The following UBR3 variants were observed in gnomAD, a reference collection of about 807,000 sequenced individuals.
The protein encoded by UBR3 is ubiquitin protein ligase E3 component n-recognin 3.
In UBR3, 85 loss-of-function variants were observed where a neutral mutation model predicts 243.2. The observed-to-expected ratio is 0.35, with a 90% CI of 0.29 to 0.42. UBR3 has a LOEUF of 0.42. Among genes scored for constraint, UBR3 ranks in the 10% least tolerant of loss-of-function variants. UBR3 has a pLI of 1.00. For missense variants in UBR3, 1,686 were observed against 2,300.8 expected, an observed-to-expected ratio of 0.73 and a Z score of 5.47; for synonymous variants, 748 against 799.8, an observed-to-expected ratio of 0.94 and a Z score of 1.09.
At chr2:169,945,253 A>C (rs2086743654) in intron 20 of UBR3, among the ~76,000 whole-genome samples, 1 of 151,946 alleles carries the variant, frequency 6.6e-6, no homozygotes. Flanking sequence ...GCTGAAGGTC[A>C]ACTAGGAATA....
At chr2:170,060,342 G>A (rs571389334) in intron 33 of UBR3, among the ~76,000 whole-genome samples, 10 of 152,116 alleles carry the variant, frequency 6.6e-5, no homozygotes, top group African/African-American at 2.4e-4. Flanking sequence ...GATAAAAATG[G>A]AAGTAGGACA....
chr2:169,874,032 G>T (rs2083516997), intron 2 of UBR3, among the ~76,000 whole-genome samples: 1 of 151,976 alleles, frequency 6.6e-6, no homozygotes, highest in South Asian at 2.1e-4. Context: ...ATAATTATCT[G>T]TTATCTGAAA....
chr2:170,013,907 ACACATG>A, intron 29 of UBR3: 1 of 470,342 alleles, frequency 2.1e-6, no homozygotes, highest in South Asian at 1.6e-5. Context: ...TGATGAAGGA[ACACATG>A]CTGGTCTCCG....
chr2:169,926,786 G>C (rs1231253631), intron 15 of UBR3, 42 bp downstream of exon 15: 7 of 1,544,010 alleles, frequency 4.5e-6, no homozygotes, highest in Non-Finnish European at 6.1e-6. Context: ...GAAGTGTCCA[G>C]TTAATTTTGT....
At chr2:169,903,332 C>T (rs1209241718) in intron 8 of UBR3, among the ~76,000 whole-genome samples, 2 of 152,132 alleles carry the variant, frequency 1.3e-5, no homozygotes, top group African/African-American at 2.4e-5. Context: ...TTATATAGAA[C>T]AGTGATTCTC....
intron 19 of UBR3, among the ~76,000 whole-genome samples, chr2:169,936,943 C>G (rs1197888246): frequency 6.6e-6 from 1 of 152,100 alleles, no homozygotes; most frequent in African/African-American, 2.4e-5. Context: ...TGGGTTGGTT[C>G]CAAGTCTTTG....
intron 32 of UBR3, among the ~76,000 whole-genome samples, chr2:170,050,005 G>GT (rs1277009429): frequency 2.0e-5 from 3 of 152,104 alleles, no homozygotes; most frequent in Non-Finnish European, 4.4e-5. Flanking sequence ...TCTATATAAT[G>GT]TTTTTTGAGA....
intron 30 of UBR3, among the ~76,000 whole-genome samples, chr2:170,027,134 A>C (rs982074585): frequency 6.6e-6 from 1 of 151,824 alleles, no homozygotes; most frequent in Non-Finnish European, 1.5e-5. Context: ...CTTGAATCCT[A>C]TTCTTAGCTT....
intron 17 of UBR3, among the ~76,000 whole-genome samples, chr2:169,928,006 C>T (rs1037549104): frequency 3.3e-5 from 5 of 151,944 alleles, no homozygotes; most frequent in South Asian, 2.1e-4. Flanking sequence ...AAATTCTGGC[C>T]GAATTTAGTA....
chr2:169,955,671 G>A (rs1438031012), intron 23 of UBR3, among the ~76,000 whole-genome samples: 2 of 151,410 alleles, frequency 1.3e-5, no homozygotes, highest in African/African-American at 4.9e-5. Context: ...GTGCGTGCCT[G>A]TAATCCCGGC....
At chr2:170,045,274 G>A (rs888566924) in intron 32 of UBR3, among the ~76,000 whole-genome samples, 7 of 152,036 alleles carry the variant, frequency 4.6e-5, no homozygotes, top group East Asian at 1.9e-4. Flanking sequence ...AACAGGATGC[G>A]GGAACCACCC....
rs1423753605 is a variant in UBR3, at chr2:170,010,804, C to T, written c.4367+1864C>T. On this transcript the variant is annotated intron_variant, in intron 29 of 38. Coordinates refer to ENST00000272793, the MANE Select transcript of UBR3 (RefSeq NM_172070.4). ...ACTTTATTATCTTTTGCTTGGAATT[C>T]CCCAAAATATTGCAAAGCTCTTCCA... Among the ~76,000 whole-genome samples the T allele has an allele frequency of 2.0e-5, 3 of 152,092 alleles. No homozygotes were observed. In the East Asian group the frequency reaches 5.8e-4, roughly 29 times the overall value.
intron 1 of UBR3, among the ~76,000 whole-genome samples, chr2:169,856,036 G>C (rs1427048793): frequency 2.6e-5 from 4 of 151,896 alleles, no homozygotes; most frequent in South Asian, 2.1e-4. Context: ...CCTGCCAGAC[G>C]GGGCGGCTGC....
At chr2:170,068,696 C>G (rs1430871086) in intron 35 of UBR3, among the ~76,000 whole-genome samples, 2 of 151,754 alleles carry the variant, frequency 1.3e-5, no homozygotes, top group Non-Finnish European at 2.9e-5. Flanking sequence ...ATCAGTAAAA[C>G]CCAGATGACA....
intron 24 of UBR3, among the ~76,000 whole-genome samples, chr2:169,961,200 A>G (rs1283584661): frequency 6.6e-6 from 1 of 152,050 alleles, no homozygotes; most frequent in African/African-American, 2.4e-5. Context: ...TTCTTTTCCA[A>G]TCTGGTCCAT....
intron 1 of UBR3, among the ~76,000 whole-genome samples, chr2:169,866,256 C>CA (rs143250064): frequency 4.4e-5 from 5 of 113,322 alleles, no homozygotes; most frequent in South Asian, 2.8e-4. Context: ...GACTGTGTCT[C>CA]AAAAAAAAAA....
chr2:170,013,762 C>T (rs2090152255), intron 29 of UBR3: 4 of 230,922 alleles, frequency 1.7e-5, no homozygotes. Context: ...GTTTGTGTTT[C>T]TGGTTAGCTC....
intron 32 of UBR3, among the ~76,000 whole-genome samples, chr2:170,049,543 AG>A (rs1359542502): frequency 1.3e-5 from 2 of 151,840 alleles, no homozygotes; most frequent in East Asian, 3.9e-4. Context: ...CCTGAGGATA[AG>A]GGGGGGATTA....
chr2:170,001,483 A>G, intron 27 of UBR3, 69 bp downstream of exon 27: 1 of 870,864 alleles, frequency 1.1e-6, no homozygotes, highest in South Asian at 1.5e-5. Context: ...TTTATAGTAT[A>G]TACATCCCAA....
Sources: allele counts gnomAD v4.1 joint callset (sites outside exome capture counted in the v4.1 genomes callset), GRCh38; gene constraint gnomAD v4.1.1; transcripts MANE v1.5; gene names NCBI Gene and HGNC (gene_info 2026-07-23, HGNC 2026-07-21).